The following MAPKAPK5 variants were observed in gnomAD, a reference collection of about 807,000 sequenced individuals.
MAPKAPK5 encodes MAP kinase-activated protein kinase 5.
Under a neutral mutation model 65.1 loss-of-function variants are expected in MAPKAPK5, and 30 were observed. The observed-to-expected ratio is 0.46, with a 90% CI of 0.34 to 0.63. MAPKAPK5 has a LOEUF of 0.63. Ranked by LOEUF, MAPKAPK5 falls within the 20% of genes least tolerant of loss-of-function variation. The probability of loss-of-function intolerance (pLI) is 0.01; values close to 1 mark genes in which losing one functional copy is unlikely to be tolerated. For synonymous variants in MAPKAPK5, 179 were observed against 204.6 expected (o/e 0.87, Z 1.07); for missense variants, 433 against 581.4 (o/e 0.74, Z 2.63).
intron 1 of MAPKAPK5, among the ~76,000 whole-genome samples, chr12:111,856,409 CT>C (rs1241020966): frequency 1.1e-3 from 137 of 129,684 alleles, no homozygotes; most frequent in East Asian, 1.6e-3. Context: ...TTTTTTCTTT[CT>C]TTTTTTTTTT....
intron 13 of MAPKAPK5, among the ~76,000 whole-genome samples, chr12:111,892,014 C>G (rs987181962): frequency 3.9e-5 from 6 of 152,072 alleles, no homozygotes; most frequent in Non-Finnish European, 8.8e-5. Flanking sequence ...GCACTGTAGC[C>G]TAAGTTTGCC....
intron 1 of MAPKAPK5, among the ~76,000 whole-genome samples, chr12:111,858,540 CTTT>C (rs60767498): frequency 3.2e-5 from 4 of 126,744 alleles, no homozygotes; most frequent in Non-Finnish European, 4.9e-5. Context: ...TTGAGCACCT[CTTT>C]TTTTTTTTTT....
At chr12:111,867,706 G>A (rs1409927153) in intron 4 of MAPKAPK5, 37 bp downstream of exon 4, 3 of 1,470,666 alleles carry the variant, frequency 2.0e-6, no homozygotes, top group African/African-American at 2.8e-5. Flanking sequence ...ATGCCCACAT[G>A]TAGGCCAATG....
rs959474799 is a variant in MAPKAPK5, at chr12:111,859,624, C to CT, written c.37-5619dup. On this transcript the variant is annotated intron_variant, in intron 1 of 13. Transcript: ENST00000550735. Reference sequence around the variant, plus strand: ...TCCTACGCCTGTTATCCCAGCACTTCTTTTTTTCTTTTCTTTTCTTTGCTT... The same window carrying CT: ...TCCTACGCCTGTTATCCCAGCACTTCTTTTTTTTCTTTTCTTTTCTTTGCTT... Among the ~76,000 whole-genome samples, 23 of 147,486 alleles carry CT rather than the reference C, an allele frequency of 1.6e-4. No homozygotes were observed. In the South Asian group the frequency reaches 4.4e-3, roughly 28 times the overall value.
At chr12:111,891,484 C>G (rs2070605063) in intron 13 of MAPKAPK5, among the ~76,000 whole-genome samples, 1 of 151,382 alleles carries the variant, frequency 6.6e-6, no homozygotes, top group African/African-American at 2.4e-5. Flanking sequence ...ATTCACTTCC[C>G]TGGGATTTTT....
At chr12:111,842,812 C>T in intron 1 of MAPKAPK5, 43 bp downstream of exon 1, 2 of 1,294,100 alleles carry the variant, frequency 1.5e-6, no homozygotes, top group African/African-American at 1.5e-5. Flanking sequence ...TGTCCTGTGG[C>T]GTTCTTCTCG....
chr12:111,881,104 C>T (rs567287328), intron 8 of MAPKAPK5, among the ~76,000 whole-genome samples: 30 of 151,822 alleles, frequency 2.0e-4, no homozygotes, highest in South Asian at 4.2e-4. Flanking sequence ...GACAGAGTCT[C>T]GCTCTGTCGC....
At chr12:111,881,672 C>T (rs1018929331) in intron 8 of MAPKAPK5, among the ~76,000 whole-genome samples, 2 of 152,162 alleles carry the variant, frequency 1.3e-5, no homozygotes, top group Non-Finnish European at 2.9e-5. Flanking sequence ...TCACAAAGAG[C>T]TGGGATTACA....
Position 111,880,382 on chromosome 12 carries a change from C to T in MAPKAPK5, c.580-65C>T, listed in dbSNP as rs1412973941. 3.0e-6 allele frequency: 4 copies of T among 1,334,764 alleles called. No individual in the cohort carries two copies. The African/African-American group carries it at 4.3e-5, about 14-fold the overall frequency. The allele number at this position is 1,334,764 out of a possible 1,614,324, so 82.7% of individuals were successfully genotyped here. A position where few individuals can be genotyped will look rare whatever the true frequency, so the allele number is the denominator to read the frequency against. On this transcript the variant is annotated intron_variant, in intron 7 of 13. Coordinates refer to ENST00000550735, the MANE Select transcript of MAPKAPK5 (RefSeq NM_003668.4). The stretch of plus-strand genomic sequence containing the variant: ...CTCCTTCAGTCTCATAGTAGCCTGT[C>T]TCAAGGCAGGTTATCGGTGGTGTGA...
At chr12:111,865,916 T>A (rs572916062) in intron 2 of MAPKAPK5, among the ~76,000 whole-genome samples, 1 of 151,602 alleles carries the variant, frequency 6.6e-6, no homozygotes, top group South Asian at 2.1e-4. Context: ...GAGGCCATTA[T>A]TTTTTCATTG....
At chr12:111,846,246 G>C (rs1374146933) in intron 1 of MAPKAPK5, among the ~76,000 whole-genome samples, 63 of 152,110 alleles carry the variant, frequency 4.1e-4, no homozygotes, top group Admixed American at 4.1e-3. Flanking sequence ...TTGCTTTTTG[G>C]GGGGTGTTCA....
Position 111,901,117 on chromosome 12 carries a change from C to T in MAPKAPK5, c.*8056C>T, listed in dbSNP as rs538239015. The T allele has an allele frequency of 4.4e-6, 2 of 456,080 alleles. No individual in the cohort carries two copies. Among genetic ancestry groups the T allele is most frequent in the South Asian group, 1.5e-5 (1 of 64,560 alleles). 28.3% of individuals were successfully genotyped at this position (456,080 alleles called of 1,614,324 possible). On this transcript the variant is annotated 3_prime_UTR_variant, in exon 14 of 14. Transcript: ENST00000550735. ...ATTCAGGTCCCTCAGGGAGATGGCT[C>T]ATGTTGGAGCATGGATGCCTATATG...
intron 3 of MAPKAPK5, 115 bp downstream of exon 3, chr12:111,866,346 A>T: frequency 1.2e-6 from 1 of 801,394 alleles, no homozygotes; most frequent in Non-Finnish European, 2.0e-6. Flanking sequence ...TTTTATGTCC[A>T]AACTTTACCT....
At chr12:111,863,614 T>C (rs1262037268) in intron 1 of MAPKAPK5, among the ~76,000 whole-genome samples, 2 of 151,940 alleles carry the variant, frequency 1.3e-5, no homozygotes, top group Admixed American at 1.3e-4. Context: ...TGATTTTTTT[T>C]TTTTTTTTTG....
Position 111,870,827 on chromosome 12 carries a change from C to T in MAPKAPK5, c.484-258C>T, listed in dbSNP as rs1347795152. Among the ~76,000 whole-genome samples the T allele has an allele frequency of 2.0e-5, 3 of 152,106 alleles. No homozygotes were observed. The East Asian group carries it at 5.8e-4, about 29-fold the overall frequency. On this transcript the variant is annotated intron_variant, in intron 6 of 13. Transcript: ENST00000550735. ...AAGGGTCCCTAGGCCAAGACCTTGA[C>T]GTTAGTGCTGCCCTTACAAGTTCTA... is the stretch of plus-strand genomic sequence containing the variant.
In MAPKAPK5 at chr12:111,870,334, A is replaced by G. The variant is rs1266786306; in HGVS notation, c.457A>G (p.Asn153Asp). 1 of 1,610,864 alleles carries G rather than the reference A, an allele frequency of 6.2e-7. No homozygotes were observed. Among genetic ancestry groups the G allele is most frequent in the Non-Finnish European group, 8.5e-7 (1 of 1,177,406 alleles). Residue 153 changes from asparagine to aspartate, a missense_variant, in exon 6 of 14, where the codon AAT becomes GAT. Coordinates refer to ENST00000550735, the MANE Select transcript of MAPKAPK5 (RefSeq NM_003668.4). ...NIAHRDLKPE[N>D]LLFKDNSLDA... Reference sequence around the variant, plus strand: ...TGCGCACAGAGACCTCAAGCCTGAAAATCTGCTTTTTAAGGATAACTCTTT... The same window carrying G: ...TGCGCACAGAGACCTCAAGCCTGAAGATCTGCTTTTTAAGGATAACTCTTT...
chr12:111,880,976 C>CGGTTTTTTTT (rs2070186169), intron 8 of MAPKAPK5, among the ~76,000 whole-genome samples: 1 of 152,154 alleles, frequency 6.6e-6, no homozygotes, highest in Admixed American at 6.5e-5. Context: ...TCTTTGTTAC[C>CGGTTTTTTTT]CCATAAAACA....
At chr12:111,847,663 C>G (rs1029832900) in intron 1 of MAPKAPK5, among the ~76,000 whole-genome samples, 8 of 151,924 alleles carry the variant, frequency 5.3e-5, no homozygotes, top group Non-Finnish European at 8.8e-5. Context: ...CAGTTCAGTA[C>G]ATTCAGTGTA....
intron 1 of MAPKAPK5, among the ~76,000 whole-genome samples, chr12:111,854,898 C>T (rs1262719404): frequency 2.6e-5 from 4 of 152,194 alleles, no homozygotes; most frequent in African/African-American, 9.7e-5. Context: ...ACCACTGAAA[C>T]CAATGTGCCT....
Sources: allele counts gnomAD v4.1 joint callset (sites outside exome capture counted in the v4.1 genomes callset), GRCh38; gene constraint gnomAD v4.1.1; transcripts MANE v1.5; gene names NCBI Gene and HGNC (gene_info 2026-07-23, HGNC 2026-07-21).